The following EML4 variants were observed in gnomAD, a reference collection of about 807,000 sequenced individuals.
EML4 encodes the protein echinoderm microtubule-associated protein-like 4.
In EML4, 72 loss-of-function variants were observed where a neutral mutation model predicts 129.0. The ratio of observed to expected loss-of-function variants is 0.56; its 90% CI spans 0.46 to 0.68. EML4 has a LOEUF of 0.68. Ranked by LOEUF, EML4 falls within the 30% of genes least tolerant of loss-of-function variation. The pLI is 0.00. For synonymous variants in EML4, 532 were observed against 405.0 expected (o/e 1.31, Z -3.77); for missense variants, 1,363 against 1,190.6 (o/e 1.14, Z -2.13).
chr2:42,253,877 A>C (rs1442646301), intron 2 of EML4, among the ~76,000 whole-genome samples: 1 of 152,258 alleles, frequency 6.6e-6, no homozygotes, highest in Non-Finnish European at 1.5e-5. Flanking sequence ...TAAGTAGCAC[A>C]CAAACAAGCA....
intron 17 of EML4, 102 bp from the exon 18 acceptor site, chr2:42,315,860 G>T: frequency 1.2e-6 from 1 of 811,002 alleles, no homozygotes; most frequent in South Asian, 1.7e-5. Context: ...CCAGCGTTAT[G>T]ACAAAGCAAG....
intron 17 of EML4, among the ~76,000 whole-genome samples, chr2:42,313,526 TA>T (rs543511248): frequency 8.3e-4 from 122 of 146,390 alleles, no homozygotes; most frequent in Admixed American, 1.0e-3. Flanking sequence ...CACTAAGCTT[TA>T]AAAAAAAAAA....
chr2:42,185,023 C>G (rs568773584), intron 1 of EML4, among the ~76,000 whole-genome samples: 61 of 152,232 alleles, frequency 4.0e-4, no homozygotes, highest in African/African-American at 1.4e-3. Context: ...ATCTAATTTT[C>G]TCTCCTTTGT....
intron 1 of EML4, among the ~76,000 whole-genome samples, chr2:42,183,424 G>C (rs921089849): frequency 2.6e-5 from 4 of 152,144 alleles, no homozygotes; most frequent in Non-Finnish European, 5.9e-5. Context: ...TTAGATGGTG[G>C]TGATACAACC....
chr2:42,277,521 G>A (rs1445639904), intron 6 of EML4, among the ~76,000 whole-genome samples: 1 of 151,274 alleles, frequency 6.6e-6, no homozygotes, highest in East Asian at 1.9e-4. Context: ...ACTACACTGA[G>A]TAATAATAAT....
intron 17 of EML4, among the ~76,000 whole-genome samples, chr2:42,306,765 C>G (rs1056568308): frequency 6.6e-6 from 1 of 151,666 alleles, no homozygotes; most frequent in Non-Finnish European, 1.5e-5. Context: ...TCCCAAAGTG[C>G]TAGGATTACA....
At chr2:42,189,325 AGAG>A (rs769677418) in intron 1 of EML4, among the ~76,000 whole-genome samples, 9 of 152,212 alleles carry the variant, frequency 5.9e-5, no homozygotes, top group Non-Finnish European at 1.3e-4. Context: ...CCAAGGGAAG[AGAG>A]GAGGAGACCT....
chr2:42,257,880 G>A (rs950645821), intron 3 of EML4, among the ~76,000 whole-genome samples: 15 of 151,412 alleles, frequency 9.9e-5, no homozygotes, highest in Non-Finnish European at 2.1e-4. Context: ...AATCTTTGTC[G>A]TCGTCATTAC....
intron 13 of EML4, among the ~76,000 whole-genome samples, chr2:42,298,961 G>C (rs1217084877): frequency 6.6e-6 from 1 of 152,170 alleles, no homozygotes; most frequent in African/African-American, 2.4e-5. Context: ...AATAAAGCCA[G>C]TAGTACTCTC....
At chr2:42,329,045 T>C in intron 22 of EML4, 29 bp downstream of exon 22, 1 of 1,598,056 alleles carries the variant, frequency 6.3e-7, no homozygotes, top group Non-Finnish European at 8.5e-7. Flanking sequence ...AAACTAATGT[T>C]ATAAGGCCTT....
chr2:42,205,092 TTCTTTTA>T (rs2103986903), intron 1 of EML4, among the ~76,000 whole-genome samples: 1 of 152,364 alleles, frequency 6.6e-6, no homozygotes, highest in South Asian at 2.1e-4. Flanking sequence ...GGTAATTTGA[TTCTTTTA>T]TTAAGAGAAA....
intron 3 of EML4, among the ~76,000 whole-genome samples, chr2:42,260,390 A>G (rs1038560150): frequency 9.9e-5 from 15 of 151,688 alleles, no homozygotes; most frequent in African/African-American, 3.6e-4. Flanking sequence ...CTGGTCTTGA[A>G]TTCCTGACCT....
At chr2:42,212,087 C>G (rs554569222) in intron 1 of EML4, among the ~76,000 whole-genome samples, 1 of 152,248 alleles carries the variant, frequency 6.6e-6, no homozygotes, top group East Asian at 1.9e-4. Flanking sequence ...CTCAGGTGAT[C>G]TGCCTGCCTC....
chr2:42,178,780 C>G (rs1217734299), intron 1 of EML4, among the ~76,000 whole-genome samples: 1 of 152,206 alleles, frequency 6.6e-6, no homozygotes. Context: ...CTGATTGGTA[C>G]ACTCAAACCA....
At position 42,301,354 on chromosome 2, in the gene EML4, C is replaced by T. The variant is rs1353116779; in HGVS notation, c.1603C>T (p.Leu535=). Residue 535 remains leucine, a synonymous_variant, in exon 14 of 23, where the codon CTG becomes TTG. Transcript: ENST00000318522. ...AGGAGGGAAAGACAGAAAAATAATT[C>T]TGTGGGATCATGATCTGAATCCTGA... ...TGGGKDRKII[L]WDHDLNPERE... is the part of the protein sequence containing the mutation. 6.2e-7 allele frequency: 1 copy of T among 1,612,936 alleles called. No homozygotes were observed. The highest frequency in any genetic ancestry group is 1.7e-5 in the Admixed American group (1 of 59,876).
intron 1 of EML4, among the ~76,000 whole-genome samples, chr2:42,210,638 A>AT (rs1350462131): frequency 2.6e-5 from 4 of 151,946 alleles, no homozygotes; most frequent in African/African-American, 7.3e-5. Context: ...CCCTTAGATA[A>AT]TTTTTTCAGT....
chr2:42,300,373 C>T (rs906441601), intron 13 of EML4, among the ~76,000 whole-genome samples: 2 of 152,192 alleles, frequency 1.3e-5, no homozygotes, highest in Non-Finnish European at 2.9e-5. Context: ...ATCTTATTCT[C>T]ACCCTTAAAA....
intron 1 of EML4, among the ~76,000 whole-genome samples, chr2:42,212,996 T>C (rs1014976832): frequency 6.6e-6 from 1 of 152,216 alleles, no homozygotes; most frequent in Non-Finnish European, 1.5e-5. Context: ...TCCAAAATTA[T>C]ATCATTTGTG....
chr2:42,229,974 A>C (rs757785385), intron 1 of EML4, among the ~76,000 whole-genome samples: 9 of 152,024 alleles, frequency 5.9e-5, no homozygotes, highest in Non-Finnish European at 1.3e-4. Context: ...TGGTGAGGGA[A>C]GAGGAGAGAG....
Sources: allele counts gnomAD v4.1 joint callset (sites outside exome capture counted in the v4.1 genomes callset), GRCh38; gene constraint gnomAD v4.1.1; transcripts MANE v1.5; gene names NCBI Gene and HGNC (gene_info 2026-07-23, HGNC 2026-07-21).